Variants in SNTG1 observed in about 807,000 individuals in gnomAD.
SNTG1 encodes the protein gamma-1-syntrophin.
Under a neutral mutation model 74.7 loss-of-function variants are expected in SNTG1, and 39 were observed. The observed-to-expected ratio is 0.52, with a 90% CI of 0.40 to 0.68. The LOEUF (loss-of-function observed/expected upper bound fraction) is 0.68, where lower values mean the gene tolerates loss of function less well. SNTG1 is among the 30% of genes least tolerant of loss of function. The pLI, the probability that SNTG1 is intolerant of heterozygous loss-of-function variation, is 0.00. For synonymous variants in SNTG1, 254 were observed against 217.1 expected, an observed-to-expected ratio of 1.17 and a Z score of -1.49; for missense variants, 685 against 609.5, an observed-to-expected ratio of 1.12 and a Z score of -1.30.
intron 2 of SNTG1, among the ~76,000 whole-genome samples, chr8:50,305,272 G>GA (rs1177543149): frequency 1.3e-5 from 2 of 151,856 alleles, no homozygotes; most frequent in Admixed American, 6.6e-5. Context: ...CTATAGCAAT[G>GA]AAAAAAATCT....
chr8:50,113,077 T>C (rs1348017342), intron 1 of SNTG1, among the ~76,000 whole-genome samples: 2 of 152,274 alleles, frequency 1.3e-5, no homozygotes, highest in Middle Eastern at 3.4e-3. Context: ...GACTTGGCAA[T>C]GTGGGCTCTT....
chr8:50,715,376 T>C (rs1459529298), intron 17 of SNTG1, among the ~76,000 whole-genome samples: 2 of 152,242 alleles, frequency 1.3e-5, no homozygotes, highest in African/African-American at 4.8e-5. Context: ...CTTTTATTAT[T>C]ATTTAATGTT....
intron 2 of SNTG1, among the ~76,000 whole-genome samples, chr8:50,336,486 A>G (rs2091147565): frequency 6.6e-6 from 1 of 152,200 alleles, no homozygotes; most frequent in African/African-American, 2.4e-5. Flanking sequence ...TAGATTGTCT[A>G]AACCAGAGGT....
chr8:50,791,503 G>C (rs963389236), intron 18 of SNTG1, among the ~76,000 whole-genome samples: 2 of 151,716 alleles, frequency 1.3e-5, no homozygotes, highest in African/African-American at 4.8e-5. Flanking sequence ...TGCATGACCT[G>C]AGAAAATACT....
rs538847265 is a variant in SNTG1, at chr8:50,244,167, A to G, written c.-28+71532A>G. On this transcript the variant is annotated intron_variant, in intron 2 of 18. Transcript: ENST00000642720. ...ACAAGAGAGTAGTGGGAAGGGGAGT[A>G]CCATAATTTACAACACGCAGATCTT... Among the ~76,000 whole-genome samples, 3 of 152,150 alleles carry G rather than the reference A, an allele frequency of 2.0e-5. No individual in the cohort carries two copies. In the East Asian group the frequency reaches 5.8e-4, roughly 30 times the overall value.
At chr8:50,064,466 T>A (rs1820739820) in intron 1 of SNTG1, among the ~76,000 whole-genome samples, 1 of 152,188 alleles carries the variant, frequency 6.6e-6, no homozygotes, top group African/African-American at 2.4e-5. Flanking sequence ...TAATGAACTT[T>A]CCCGTTTGCA....
chr8:50,213,981 G>A (rs2084649963), intron 2 of SNTG1, among the ~76,000 whole-genome samples: 1 of 151,950 alleles, frequency 6.6e-6, no homozygotes, highest in African/African-American at 2.4e-5. Flanking sequence ...TGCCTTTGGT[G>A]TTTTAGCCAT....
chr8:50,740,075 G>A (rs2095539315), intron 17 of SNTG1, among the ~76,000 whole-genome samples: 1 of 152,010 alleles, frequency 6.6e-6, no homozygotes, highest in Non-Finnish European at 1.5e-5. Flanking sequence ...AAGATTTCAT[G>A]ATGAAGATGC....
chr8:50,751,569 A>C (rs1222096696), intron 17 of SNTG1, among the ~76,000 whole-genome samples: 2 of 152,008 alleles, frequency 1.3e-5, no homozygotes, highest in African/African-American at 4.8e-5. Context: ...TGAAAGCACC[A>C]TGTCAGTTTT....
intron 2 of SNTG1, among the ~76,000 whole-genome samples, chr8:50,199,219 T>G (rs1214810869): frequency 8.6e-6 from 1 of 116,592 alleles, no homozygotes; most frequent in Admixed American, 9.3e-5. Flanking sequence ...CTTAATTTCC[T>G]TTTTTTTTTT....
chr8:50,059,038 T>G (rs530838848), intron 1 of SNTG1, among the ~76,000 whole-genome samples: 2 of 152,256 alleles, frequency 1.3e-5, no homozygotes, highest in East Asian at 3.9e-4. Flanking sequence ...CTCAGTAATA[T>G]TCCTTCAAGA....
At chr8:50,699,925 A>G (rs1346009182) in intron 15 of SNTG1, among the ~76,000 whole-genome samples, 2 of 152,222 alleles carry the variant, frequency 1.3e-5, no homozygotes, top group Non-Finnish European at 2.9e-5. Context: ...TTATTTAATC[A>G]TCAGATCAAT....
intron 12 of SNTG1, among the ~76,000 whole-genome samples, chr8:50,570,497 G>A (rs940059746): frequency 1.7e-4 from 25 of 149,150 alleles, no homozygotes; most frequent in Non-Finnish European, 2.7e-4. Context: ...AACCTCAGGT[G>A]ATCCACCCAC....
At chr8:50,780,999 T>C (rs566803322) in intron 18 of SNTG1, among the ~76,000 whole-genome samples, 3 of 152,334 alleles carry the variant, frequency 2.0e-5, no homozygotes, top group Admixed American at 2.0e-4. Context: ...TCAGTCTCCA[T>C]GTAGTTGAGC....
chr8:50,672,349 G>A (rs1485887009), intron 15 of SNTG1, among the ~76,000 whole-genome samples: 1 of 151,958 alleles, frequency 6.6e-6, no homozygotes, highest in African/African-American at 2.4e-5. Flanking sequence ...ACCATCTATT[G>A]TTTCTTAACT....
At chr8:50,704,875 A>G in intron 16 of SNTG1, 123 bp downstream of exon 16, 4 of 1,103,140 alleles carry the variant, frequency 3.6e-6, no homozygotes, top group Non-Finnish European at 5.1e-6. Flanking sequence ...CCTCATATAC[A>G]TTCTATAATT....
At chr8:50,092,723 C>T (rs2131170841) in intron 1 of SNTG1, among the ~76,000 whole-genome samples, 1 of 152,256 alleles carries the variant, frequency 6.6e-6, no homozygotes, top group East Asian at 1.9e-4. Context: ...CACATTGAAT[C>T]ACATCTTAGC....
At chr8:50,264,315 C>A (rs922285092) in intron 2 of SNTG1, among the ~76,000 whole-genome samples, 1 of 152,032 alleles carries the variant, frequency 6.6e-6, no homozygotes, top group African/African-American at 2.4e-5. Flanking sequence ...TGTCTGTAAT[C>A]TCAGTACTTT....
At chr8:50,011,742 T>G (rs1815823546) in intron 1 of SNTG1, 1 of 152,178 alleles carries the variant, frequency 6.6e-6, no homozygotes, top group South Asian at 2.1e-4. Context: ...TGGGGAGGAA[T>G]ATATTTTGTT....
Sources: gnomAD v4.1 joint callset for allele counts (sites outside exome capture counted in the v4.1 genomes callset) on GRCh38, gnomAD v4.1.1 for gene constraint, MANE v1.5 for transcripts, NCBI Gene and HGNC (gene_info 2026-07-23, HGNC 2026-07-21) for gene names.